PTPN3: variants seen among roughly 807,000 people sequenced by gnomAD.
The protein encoded by PTPN3 is protein tyrosine phosphatase non-receptor type 3.
In PTPN3, 96 loss-of-function variants were observed where a neutral mutation model predicts 132.7. That is an observed-to-expected ratio of 0.72 (90% CI 0.61 to 0.86). The LOEUF (loss-of-function observed/expected upper bound fraction) is 0.86. PTPN3 is among the 40% of genes least tolerant of loss of function. The probability of loss-of-function intolerance (pLI) is 0.00; values close to 1 mark genes in which losing one functional copy is unlikely to be tolerated. For synonymous variants in PTPN3, 398 were observed against 429.0 expected (o/e 0.93, Z 0.89); for missense variants, 1,125 against 1,159.6 (o/e 0.97, Z 0.43).
chr9:109,500,291 G>A (rs747398367), upstream of PTPN3, among the ~76,000 whole-genome samples: 1 of 152,204 alleles, frequency 6.6e-6, no homozygotes, highest in Non-Finnish European at 1.5e-5. Flanking sequence ...AATTTTCGAA[G>A]TTGTCTTAAT....
At chr9:109,392,254 G>T (rs1008219549) in intron 19 of PTPN3, among the ~76,000 whole-genome samples, 6 of 152,146 alleles carry the variant, frequency 3.9e-5, no homozygotes, top group African/African-American at 1.4e-4. Flanking sequence ...CAAGAACTCA[G>T]ATCTGACTCC....
At chr9:109,412,249 C>T (rs749876128) in intron 14 of PTPN3, among the ~76,000 whole-genome samples, 18 of 152,218 alleles carry the variant, frequency 1.2e-4, no homozygotes, top group Non-Finnish European at 2.4e-4. Flanking sequence ...AGCTCTGTTG[C>T]CCAGGCTGGA....
intron 19 of PTPN3, 64 bp from the exon 20 acceptor site, chr9:109,391,625 T>C (rs775732911): frequency 7.5e-7 from 1 of 1,332,862 alleles, no homozygotes; most frequent in Non-Finnish European, 1.1e-6. Context: ...TGTGAAAACA[T>C]ACTTTATCAT....
At chr9:109,422,607 G>A (rs1024167159) in intron 13 of PTPN3, 111 bp downstream of exon 13, 4 of 1,274,272 alleles carry the variant, frequency 3.1e-6, no homozygotes, top group African/African-American at 1.5e-5. Context: ...AGCCTAAAAT[G>A]CAAATTGTAG....
chr9:109,457,426 G>T (rs778269771), intron 2 of PTPN3, 27 bp from the exon 3 acceptor site: 2 of 1,567,870 alleles, frequency 1.3e-6, no homozygotes, highest in Non-Finnish European at 1.7e-6. Flanking sequence ...TATCAAGTGG[G>T]AAAAGTCTTA....
the PTPN3 span, among the ~76,000 whole-genome samples, chr9:109,515,436 C>T: frequency 1.3e-5 from 2 of 152,192 alleles, no homozygotes; most frequent in South Asian, 4.1e-4. Flanking sequence ...TTATACTTCT[C>T]CATACAAGAA....
intron 5 of PTPN3, chr9:109,449,232 G>A (rs1356387646): frequency 4.9e-5 from 51 of 1,036,546 alleles, no homozygotes; most frequent in Non-Finnish European, 5.1e-5. Context: ...CACAAGCGGC[G>A]CCCACACACT....
chr9:109,414,396 G>A (rs1373567351), intron 14 of PTPN3, among the ~76,000 whole-genome samples: 1 of 152,180 alleles, frequency 6.6e-6, no homozygotes, highest in Non-Finnish European at 1.5e-5. Flanking sequence ...GGCCACAGCT[G>A]GAATAGCACG....
intron 1 of PTPN3, among the ~76,000 whole-genome samples, chr9:109,465,162 G>C (rs1846034742): frequency 6.6e-6 from 1 of 152,242 alleles, no homozygotes; most frequent in Non-Finnish European, 1.5e-5. Flanking sequence ...TTAGGGAACA[G>C]TAAGGAAACT....
chr9:109,464,956 C>T (rs916675774), intron 1 of PTPN3, among the ~76,000 whole-genome samples: 5 of 152,164 alleles, frequency 3.3e-5, no homozygotes, highest in Non-Finnish European at 5.9e-5. Context: ...TTCTGAGATG[C>T]TTTTAACATT....
chr9:109,379,341 A>G lies in PTPN3; in HGVS notation c.*215T>C. 1.8e-6 allele frequency: 1 copy of G among 550,536 alleles called. No individual in the cohort carries two copies. The highest frequency in any genetic ancestry group is 3.2e-6 in the Non-Finnish European group (1 of 310,036). 34.1% of individuals were successfully genotyped at this position (550,536 alleles called of 1,614,324 possible). On this transcript the variant is annotated 3_prime_UTR_variant, in exon 26 of 26. Coordinates refer to ENST00000374541, the MANE Select transcript of PTPN3 (RefSeq NM_002829.4). ...GATCCTTTTTGTATCTTTCCATAGA[A>G]ATACAGGCCTAAATGATGCCATAAT...
upstream of PTPN3, among the ~76,000 whole-genome samples, chr9:109,499,091 G>T (rs139642685): frequency 8.7e-4 from 102 of 117,124 alleles, 1 homozygote; most frequent in African/African-American, 3.1e-3. Context: ...TCTCGCGTGG[G>T]GAACAAATAG....
At chr9:109,498,423 G>C (rs1457310697), upstream of PTPN3, 5 of 150,364 alleles carry the variant, frequency 3.3e-5, no homozygotes, top group Non-Finnish European at 7.4e-5. The surrounding 1 kb of genome is among the most constrained non-coding windows in gnomAD (Gnocchi z 4.2). Context: ...TCCCGCCCCC[G>C]CCCCGGGCTG....
chr9:109,501,143 A>G (rs917869466), upstream of PTPN3, among the ~76,000 whole-genome samples: 5 of 152,210 alleles, frequency 3.3e-5, no homozygotes, highest in African/African-American at 1.2e-4. Context: ...TGTTTTGTGT[A>G]TATCCAGTTA....
intron 7 of PTPN3, among the ~76,000 whole-genome samples, chr9:109,445,010 C>T (rs578043363): frequency 6.6e-6 from 1 of 152,382 alleles, no homozygotes; most frequent in East Asian, 1.9e-4. Flanking sequence ...AAATTTCACA[C>T]CACAGTTCAT....
At position 109,386,093 on chromosome 9, in the gene PTPN3, T is replaced by C. The variant is rs142153178; in HGVS notation, c.2254-2542A>G. Among the ~76,000 whole-genome samples, 230 of 152,240 alleles carry C rather than the reference T, an allele frequency of 1.5e-3. 2 individuals are homozygous for C. Among genetic ancestry groups the C allele is most frequent in the African/African-American group, 5.2e-3 (217 of 41,560 alleles). ...TTCAGCTCTCAGAGAAAGGGATAAA[T>C]CTGCTCACTTGGAGTGACCGACTCC... On this transcript the variant is annotated intron_variant, in intron 22 of 25. Transcript: ENST00000374541.
At chr9:109,471,725 A>G (rs1161395044) in intron 1 of PTPN3, among the ~76,000 whole-genome samples, 1 of 151,504 alleles carries the variant, frequency 6.6e-6, no homozygotes, top group Admixed American at 6.6e-5. Flanking sequence ...GGCTGGCCTC[A>G]AACTCCTGGG....
intron 9 of PTPN3, 25 bp from the exon 10 acceptor site, chr9:109,433,186 C>T (rs1158587182): frequency 6.2e-7 from 1 of 1,613,128 alleles, no homozygotes; most frequent in Non-Finnish European, 8.5e-7. Context: ...ATCTCAGATC[C>T]ACAGCATGTT....
the PTPN3 span, among the ~76,000 whole-genome samples, chr9:109,518,393 G>A: frequency 1.3e-5 from 2 of 152,198 alleles, no homozygotes; most frequent in Non-Finnish European, 2.9e-5. Context: ...CACTGGAGGT[G>A]GAGTAGAGGC....
Sources: gnomAD v4.1 joint callset for allele counts (sites outside exome capture counted in the v4.1 genomes callset) on GRCh38, gnomAD v4.1.1 for gene constraint, Gnocchi (gnomAD v3.1) non-coding constraint, MANE v1.5 for transcripts, NCBI Gene and HGNC (gene_info 2026-07-23, HGNC 2026-07-21) for gene names.